Variants in NRXN3 observed in about 807,000 individuals in gnomAD.
NRXN3 encodes neurexin III.
Under a neutral mutation model 137.6 loss-of-function variants are expected in NRXN3, and 32 were observed. The observed-to-expected ratio is 0.23, with a 90% confidence interval of 0.18 to 0.31. The LOEUF (loss-of-function observed/expected upper bound fraction) is 0.31, where lower values mean the gene tolerates loss of function less well. Among genes scored for constraint, NRXN3 ranks in the 10% least tolerant of loss-of-function variants. The probability of loss-of-function intolerance (pLI) is 1.00; values close to 1 mark genes in which losing one functional copy is unlikely to be tolerated. For missense variants in NRXN3, 1,574 were observed against 2,062.5 expected, an observed-to-expected ratio of 0.76 and a Z score of 4.59; for synonymous variants, 798 against 784.5, an observed-to-expected ratio of 1.02 and a Z score of -0.29.
At chr14:78,301,265 G>T (rs921867253) in intron 4 of NRXN3, among the ~76,000 whole-genome samples, 3 of 152,160 alleles carry the variant, frequency 2.0e-5, no homozygotes, top group Admixed American at 2.0e-4. Context: ...AACTGGGAGG[G>T]TGTGAAAGAA....
At chr14:79,468,324 G>T (rs2096456805) in intron 16 of NRXN3, among the ~76,000 whole-genome samples, 1 of 152,238 alleles carries the variant, frequency 6.6e-6, no homozygotes, top group African/African-American at 2.4e-5. Context: ...GTAGGCTAAA[G>T]AGAGATATGA....
At chr14:79,659,756 CA>C (rs2098524205) in intron 16 of NRXN3, among the ~76,000 whole-genome samples, 1 of 152,132 alleles carries the variant, frequency 6.6e-6, no homozygotes, top group Non-Finnish European at 1.5e-5. Context: ...AAAGAGAAAT[CA>C]GAAGTAAAAT....
At chr14:79,729,388 C>T (rs2098913035) in intron 19 of NRXN3, among the ~76,000 whole-genome samples, 1 of 152,118 alleles carries the variant, frequency 6.6e-6, no homozygotes, top group African/African-American at 2.4e-5. Context: ...CCTATTAAGG[C>T]CACACCTGTC....
At chr14:78,535,917 G>T (rs1005319254) in intron 4 of NRXN3, among the ~76,000 whole-genome samples, 1 of 152,150 alleles carries the variant, frequency 6.6e-6, no homozygotes, top group African/African-American at 2.4e-5. Flanking sequence ...GTTGGGTAGA[G>T]CTTAGCTATG....
At chr14:79,316,691 A>G (rs2088784071) in intron 15 of NRXN3, among the ~76,000 whole-genome samples, 1 of 149,538 alleles carries the variant, frequency 6.7e-6, no homozygotes, top group Non-Finnish European at 1.5e-5. Context: ...CTCTTGTTCT[A>G]TTACACTGGA....
intron 19 of NRXN3, among the ~76,000 whole-genome samples, chr14:79,785,340 G>A (rs2099126294): frequency 6.6e-6 from 1 of 152,098 alleles, no homozygotes; most frequent in African/African-American, 2.4e-5. Context: ...TTTGCCTCTG[G>A]CTGTATATGC....
At chr14:78,628,701 C>A (rs2097491196) in intron 4 of NRXN3, among the ~76,000 whole-genome samples, 1 of 152,184 alleles carries the variant, frequency 6.6e-6, no homozygotes. Context: ...ATTGGTAGTT[C>A]TGCTGTCTTG....
At chr14:78,898,502 G>A (rs1266671427) in intron 10 of NRXN3, among the ~76,000 whole-genome samples, 2 of 151,156 alleles carry the variant, frequency 1.3e-5, no homozygotes, top group Non-Finnish European at 3.0e-5. Flanking sequence ...TTTACATTAA[G>A]CAGAGATGCA....
intron 15 of NRXN3, among the ~76,000 whole-genome samples, chr14:79,180,248 G>T (rs1046364696): frequency 3.9e-5 from 6 of 152,146 alleles, no homozygotes; most frequent in African/African-American, 1.4e-4. Context: ...AGTTGCCATA[G>T]CAATGAAAGA....
chr14:79,411,372 A>G (rs1243920535), intron 15 of NRXN3, among the ~76,000 whole-genome samples: 1 of 151,926 alleles, frequency 6.6e-6, no homozygotes, highest in East Asian at 1.9e-4. Context: ...AGTCCTTGCC[A>G]CCCCCAACCC....
At chr14:79,770,646 G>A (rs1381183426) in intron 19 of NRXN3, among the ~76,000 whole-genome samples, 9 of 149,940 alleles carry the variant, frequency 6.0e-5, no homozygotes, top group Admixed American at 2.7e-4. Context: ...GAAATTTATA[G>A]CACTAAATGC....
chr14:78,645,316 C>T lies in NRXN3; in HGVS notation c.954C>T (p.Val318=), dbSNP rs2097675703. ...TGAAGGATGGTGCGGTCTCCTTGGTCATTAACCTGGGGTCCGGGGCCTTTG... is the reference window on the plus strand; with the variant it reads ...TGAAGGATGGTGCGGTCTCCTTGGTTATTAACCTGGGGTCCGGGGCCTTTG... ...LALKDGAVSL[V]INLGSGAFEA... is the part of the protein sequence containing the mutation. The change falls in exon 5 of 21, where the codon GTC becomes GTT. Residue 318 remains valine, a synonymous_variant. Transcript: ENST00000335750. The T allele has an allele frequency of 1.3e-6, 2 of 1,598,748 alleles. No homozygotes were observed. The highest frequency in any genetic ancestry group is 1.7e-6 in the Non-Finnish European group (2 of 1,179,764).
chr14:78,815,479 C>CTGTTTTTTTTTTT (rs2098929309), intron 10 of NRXN3, among the ~76,000 whole-genome samples: 1 of 84,436 alleles, frequency 1.2e-5, no homozygotes. Flanking sequence ...TTGTTTCTTT[C>CTGTTTTTTTTTTT]TTTTTTTTTT....
intron 15 of NRXN3, among the ~76,000 whole-genome samples, chr14:79,066,029 T>G (rs1213731543): frequency 6.6e-6 from 1 of 152,190 alleles, no homozygotes; most frequent in Non-Finnish European, 1.5e-5. Context: ...CTGCTTTGGT[T>G]GCAATTGCTT....
rs58492725 is a variant in NRXN3, at chr14:79,819,482, C to CTTTTTTTTTTT, written c.4093+14302_4093+14312dup. ...ATAGGATACAACAGGACATTAAAAGCTTTTTTTTTTTTTTTTTTTTGAGAC... is the reference window on the plus strand; with the variant it reads ...ATAGGATACAACAGGACATTAAAAGCTTTTTTTTTTTTTTTTTTTTTTTTTTTTTTTGAGAC... On this transcript the variant is annotated intron_variant, in intron 20 of 20. Coordinates refer to ENST00000335750, the MANE Select transcript of NRXN3 (RefSeq NM_001330195.2). Among the ~76,000 whole-genome samples, 499 of 71,890 alleles carry CTTTTTTTTTTT rather than the reference C, an allele frequency of 6.9e-3. 67 individuals carry two copies. Among genetic ancestry groups the CTTTTTTTTTTT allele is most frequent in the African/African-American group, 0.015 (237 of 15,624 alleles). 47.2% of individuals were successfully genotyped at this position (71,890 alleles called of 152,430 possible).
intron 16 of NRXN3, among the ~76,000 whole-genome samples, chr14:79,560,927 C>G (rs545992831): frequency 1.2e-4 from 19 of 152,272 alleles, no homozygotes; most frequent in African/African-American, 4.1e-4. Context: ...AGCTGCTCCC[C>G]CTTCCATCAT....
chr14:79,088,527 T>TGTGAG, intron 15 of NRXN3, among the ~76,000 whole-genome samples: 1 of 140,024 alleles, frequency 7.1e-6, no homozygotes, highest in African/African-American at 3.3e-5. Flanking sequence ...TATTTTATTA[T>TGTGAG]AATTATCCTC....
chr14:78,611,987 A>T (rs1441992965), intron 4 of NRXN3, among the ~76,000 whole-genome samples: 2 of 152,196 alleles, frequency 1.3e-5, no homozygotes, highest in Non-Finnish European at 2.9e-5. Flanking sequence ...GCATCATTAT[A>T]TAATCATGAA....
At chr14:79,797,612 A>C (rs1377155350) in intron 19 of NRXN3, among the ~76,000 whole-genome samples, 1 of 152,178 alleles carries the variant, frequency 6.6e-6, no homozygotes, top group African/African-American at 2.4e-5. Flanking sequence ...AAAGGTAACT[A>C]TAAATGGGAT....
Sources: allele counts gnomAD v4.1 joint callset (sites outside exome capture counted in the v4.1 genomes callset), GRCh38; gene constraint gnomAD v4.1.1; transcripts MANE v1.5; gene names NCBI Gene and HGNC (gene_info 2026-07-23, HGNC 2026-07-21).